GDAP1: variants seen among roughly 807,000 people sequenced by gnomAD.
GDAP1 encodes ganglioside induced differentiation associated protein 1.
Under a neutral mutation model 40.1 loss-of-function variants are expected in GDAP1, and 34 were observed. The observed-to-expected ratio is 0.85, with a 90% CI of 0.64 to 1.13. GDAP1 has a LOEUF of 1.13. Among genes scored for constraint, GDAP1 ranks in the 50% most tolerant of loss-of-function variants. The pLI, the probability that GDAP1 is intolerant of heterozygous loss-of-function variation, is 0.00. For missense variants in GDAP1, 374 were observed against 433.7 expected (o/e 0.86, Z 1.22); for synonymous variants, 170 against 157.4 (o/e 1.08, Z -0.60).
At chr8:74,376,831 AGTATG>A (rs1333481772) in intron 2 of GDAP1, 2 of 152,200 alleles carry the variant, frequency 1.3e-5, no homozygotes, top group African/African-American at 4.8e-5. Context: ...TATTCAACTT[AGTATG>A]GTATTGGCAG....
chr8:74,407,244 C>T (rs1805652068), intron 2 of GDAP1, among the ~76,000 whole-genome samples: 1 of 149,620 alleles, frequency 6.7e-6, no homozygotes, highest in East Asian at 1.9e-4. Context: ...CCAGCCTGGA[C>T]AATTTAATGA....
intron 3 of GDAP1, among the ~76,000 whole-genome samples, chr8:74,361,300 G>A (rs1448747708): frequency 6.6e-6 from 1 of 152,208 alleles, no homozygotes; most frequent in Non-Finnish European, 1.5e-5. Flanking sequence ...AGGCGGAGCA[G>A]CAAGCCTGCA....
At position 74,365,628 on chromosome 8, in the gene GDAP1, C is replaced by T. The variant is rs1480609898; in HGVS notation, c.*1261C>T. 2.2e-6 allele frequency: 1 copy of T among 454,076 alleles called. No homozygotes were observed. The highest frequency in any genetic ancestry group is 2.4e-5 in the Admixed American group (1 of 42,542). 28.1% of individuals were successfully genotyped at this position (454,076 alleles called of 1,614,324 possible). The stretch of plus-strand genomic sequence containing the variant: ...CCGAGGTCCCAGTGAACAACAGTAG[C>T]CAAAGAATGTACTAACTTTATCATT... On this transcript the variant is annotated 3_prime_UTR_variant, in exon 6 of 6. Coordinates refer to ENST00000220822, the MANE Select transcript of GDAP1 (RefSeq NM_018972.4).
chr8:74,423,087 T>C (rs1805900106), intron 2 of GDAP1, among the ~76,000 whole-genome samples: 1 of 147,346 alleles, frequency 6.8e-6, no homozygotes, highest in South Asian at 2.1e-4. Context: ...TATTATAAAA[T>C]AGAGAATTGA....
rs1395078567 is a variant in GDAP1 at position 74,468,540 on chromosome 8, TAC to T, written c.166-20128_166-20127del. Among the ~76,000 whole-genome samples, 3 of 150,814 alleles carry T rather than the reference TAC, an allele frequency of 2.0e-5. No individual in the cohort carries two copies. In the South Asian group the frequency reaches 6.3e-4, roughly 32 times the overall value. ...ACACACACACATGAATGTGTATATA[TAC>T]ACACACACATATATAGGTTGCTAAT... On this transcript the variant is annotated intron_variant, in intron 2 of 2. Coordinates refer to the GDAP1 transcript ENST00000523640.
At chr8:74,424,679 G>A (rs1424009228) in intron 2 of GDAP1, among the ~76,000 whole-genome samples, 1 of 152,086 alleles carries the variant, frequency 6.6e-6, no homozygotes, top group Non-Finnish European at 1.5e-5. Context: ...TAGTTTCTTT[G>A]TAACCAAATG....
At chr8:74,437,995 G>A (rs1179984934) in intron 2 of GDAP1, among the ~76,000 whole-genome samples, 1 of 151,920 alleles carries the variant, frequency 6.6e-6, no homozygotes, top group African/African-American at 2.4e-5. Flanking sequence ...AGTAGGCCGG[G>A]CATGGTGGCT....
chr8:74,355,896 C>G (rs1038498409), intron 2 of GDAP1, among the ~76,000 whole-genome samples: 4 of 151,646 alleles, frequency 2.6e-5, no homozygotes, highest in Admixed American at 6.6e-5. Context: ...ATTAAAATCA[C>G]GTAAATCTTA....
chr8:74,459,531 A>G (rs974606442), intron 2 of GDAP1, among the ~76,000 whole-genome samples: 9 of 152,308 alleles, frequency 5.9e-5, no homozygotes, highest in South Asian at 2.1e-4. Context: ...TGGCACTTCA[A>G]TTTGTGAAAC....
At chr8:74,468,171 G>T (rs573356074) in intron 2 of GDAP1, among the ~76,000 whole-genome samples, 2 of 151,506 alleles carry the variant, frequency 1.3e-5, no homozygotes, top group East Asian at 3.9e-4. Flanking sequence ...AATTACGGTG[G>T]TGTTTTAATA....
Position 74,436,225 on chromosome 8 carries a change from T to C in GDAP1, c.166-52453T>C, listed in dbSNP as rs7825846. Among the ~76,000 whole-genome samples, 1,189 of 152,242 alleles carry C rather than the reference T, an allele frequency of 7.8e-3. 22 individuals carry two copies. The highest frequency in any genetic ancestry group is 0.027 in the African/African-American group (1,127 of 41,546). Reference sequence around the variant, plus strand: ...TACATGGCTCTGTCCACACAGCCAATTGAGTTAAAAGAATATATTCGACCC... The same window carrying C: ...TACATGGCTCTGTCCACACAGCCAACTGAGTTAAAAGAATATATTCGACCC... On this transcript the variant is annotated intron_variant, in intron 2 of 2. Transcript: ENST00000523640.
intron 2 of GDAP1, among the ~76,000 whole-genome samples, chr8:74,467,873 T>C (rs983578662): frequency 1.3e-5 from 2 of 152,222 alleles, no homozygotes; most frequent in Non-Finnish European, 2.9e-5. Context: ...AATTTTTCTA[T>C]GTTTTCTTCT....
At chr8:74,475,097 T>C (rs1013540127) in intron 2 of GDAP1, among the ~76,000 whole-genome samples, 13 of 152,308 alleles carry the variant, frequency 8.5e-5, no homozygotes, top group South Asian at 2.1e-4. Context: ...TAATAGTTAT[T>C]TGTATATCTG....
chr8:74,412,842 A>G lies in GDAP1; in HGVS notation c.165+61521A>G, dbSNP rs1203087741. ...GGGAGGCTGAAGCGGGTGGATCACA[A>G]GGTGAGGAGATTGAGACCATACTGG... On this transcript the variant is annotated intron_variant, in intron 2 of 2. Coordinates refer to the GDAP1 transcript ENST00000523640. 2.0e-5 allele frequency among the ~76,000 whole-genome samples: 3 copies of G among 148,718 alleles called. 1 individual carries two copies. Among genetic ancestry groups the G allele is most frequent in the African/African-American group, 7.8e-5 (3 of 38,368 alleles).
chr8:74,371,668 A>C (rs1009909344), downstream of GDAP1, among the ~76,000 whole-genome samples: 3 of 152,238 alleles, frequency 2.0e-5, no homozygotes, highest in Non-Finnish European at 4.4e-5. Context: ...TCAAAAAAAA[A>C]AAAAGAAAAT....
rs1412153247 is a variant in GDAP1 at position 74,408,997 on chromosome 8, G to GAC, written c.165+57676_165+57677insAC. Among the ~76,000 whole-genome samples, 3 of 149,936 alleles carry GAC rather than the reference G, an allele frequency of 2.0e-5. 1 individual carries two copies. The highest frequency in any genetic ancestry group is 6.6e-5 in the Admixed American group (1 of 15,224). Reference sequence around the variant, plus strand: ...AGCTTCAAAGGCTGTTTCTTGCAATGTAGTCCCAGACTACCTTCACCAGAG... The same window carrying GAC: ...AGCTTCAAAGGCTGTTTCTTGCAATGACTAGTCCCAGACTACCTTCACCAGAG... On this transcript the variant is annotated intron_variant, in intron 2 of 2. Transcript: ENST00000523640.
At chr8:74,371,679 A>G (rs560807581), downstream of GDAP1, among the ~76,000 whole-genome samples, 65 of 152,078 alleles carry the variant, frequency 4.3e-4, 1 homozygote, top group Non-Finnish European at 7.8e-4. Context: ...AAAAGAAAAT[A>G]TTTTGAGTTG....
At chr8:74,385,458 T>C (rs975617924) in intron 2 of GDAP1, among the ~76,000 whole-genome samples, 12 of 152,328 alleles carry the variant, frequency 7.9e-5, no homozygotes, top group African/African-American at 2.6e-4. Context: ...GTTAGTTTGC[T>C]GAGAATGATG....
downstream of GDAP1, chr8:74,366,926 A>G: frequency 5.4e-6 from 2 of 372,828 alleles, no homozygotes; most frequent in Non-Finnish European, 1.0e-5. Flanking sequence ...TTTTTCATTT[A>G]AAATCAAAGC....
Sources: allele counts gnomAD v4.1 joint callset (sites outside exome capture counted in the v4.1 genomes callset), GRCh38; gene constraint gnomAD v4.1.1; transcripts MANE v1.5; gene names NCBI Gene and HGNC (gene_info 2026-07-23, HGNC 2026-07-21).